The following ATAD5 variants were observed in gnomAD, a reference collection of about 807,000 sequenced individuals.
The protein encoded by ATAD5 is ATPase family AAA domain-containing protein 5.
ATAD5 carries 58 observed loss-of-function variants against 176.9 expected under a neutral mutation model. The observed-to-expected ratio is 0.33, with a 90% CI of 0.27 to 0.41. The LOEUF is 0.41. Ranked by LOEUF, ATAD5 falls within the 10% of genes least tolerant of loss-of-function variation. The probability of loss-of-function intolerance (pLI) is 1.00; values close to 1 mark genes in which losing one functional copy is unlikely to be tolerated. For synonymous variants in ATAD5, 640 were observed against 712.6 expected, an observed-to-expected ratio of 0.90 and a Z score of 1.62; for missense variants, 1,789 against 2,094.1, an observed-to-expected ratio of 0.85 and a Z score of 2.84.
intron 1 of ATAD5, among the ~76,000 whole-genome samples, chr17:30,833,709 C>G (rs973409352): frequency 3.3e-5 from 5 of 152,290 alleles, no homozygotes; most frequent in South Asian, 2.1e-4. Flanking sequence ...GAGACAAGGT[C>G]TTGCTCTGTC....
chr17:30,865,810 ATG>A lies in ATAD5; in HGVS notation c.3233+14_3233+15del, dbSNP rs751264775. The A allele has an allele frequency of 6.8e-6, 10 of 1,476,822 alleles. 1 individual carries two copies. The South Asian group carries it at 1.3e-4, about 19-fold the overall frequency. The allele number at this position is 1,476,822 out of a possible 1,614,324, so 91.5% of individuals were successfully genotyped here. ...TAAAAAAGTTACATAGGTTGGTAAA[ATG>A]TGTAAGGAATTGAGAAATAGTTTAC... On this transcript the variant is annotated intron_variant, in intron 11 of 22. Coordinates refer to ENST00000321990, the MANE Select transcript of ATAD5 (RefSeq NM_024857.5).
chr17:30,877,279 G>A (rs1004041012), intron 15 of ATAD5, 137 bp from the exon 16 acceptor site: 2 of 618,994 alleles, frequency 3.2e-6, no homozygotes, highest in Admixed American at 6.8e-5. Context: ...AAAGTGCTGG[G>A]ATTACAGGCA....
chr17:30,850,869 ATTTTTTTTTTTTTT>A (rs58433358), intron 6 of ATAD5, among the ~76,000 whole-genome samples: 3 of 14,768 alleles, frequency 2.0e-4, no homozygotes, highest in South Asian at 4.5e-3. Flanking sequence ...ATATATATAT[ATTTTTTTTTTTTTT>A]TTTTTTTTTT....
chr17:30,857,085 G>A lies in ATAD5; in HGVS notation c.2766G>A (p.Lys922=). ...ALGEFSTLNS[K]LKSGNSAAVF... is the part of the protein sequence containing the mutation. ...GTGAATTTTCAACATTGAATTCAAA[G>A]TTGAAAAGCGGTAACTCTGCTGCTG... Residue 922 remains lysine, a synonymous_variant, in exon 8 of 23, where the codon AAG becomes AAA. Coordinates refer to ENST00000321990, the MANE Select transcript of ATAD5 (RefSeq NM_024857.5). The A allele has an allele frequency of 6.2e-7, 1 of 1,611,554 alleles. No homozygotes were observed. The highest frequency in any genetic ancestry group is 1.3e-5 in the African/African-American group (1 of 74,882).
At position 30,892,671 on chromosome 17, in the gene ATAD5, T is replaced by C. The variant is rs1269687536; in HGVS notation, c.4323T>C (p.Pro1441=). ...ATGGCCTTGATAACAAAATTTACCC[T>C]AAAAATACTAAAAAGAAACGTGTAG... The part of the protein sequence containing the change: ...SEHGLDNKIY[P]KNTKKKRVDL... The change falls in exon 20 of 23, where the codon CCT becomes CCC. Residue 1441 remains proline, a synonymous_variant. Transcript: ENST00000321990. The C allele has an allele frequency of 6.2e-7, 1 of 1,600,880 alleles. No homozygotes were observed. Among genetic ancestry groups the C allele is most frequent in the Admixed American group, 1.7e-5 (1 of 57,876 alleles).
chr17:30,852,891 C>CA (rs1555555008), intron 6 of ATAD5, among the ~76,000 whole-genome samples: 1 of 141,636 alleles, frequency 7.1e-6, no homozygotes, highest in Non-Finnish European at 1.6e-5. Context: ...ATATTTCTTT[C>CA]TTTTTTTTTT....
rs1403262429 is a variant in ATAD5, at chr17:30,893,704, A to G, written c.4851A>G (p.Gly1617=). ...GDEESKARDK[G]NNPETKKSIP... is the part of the protein sequence containing the mutation. ...AAGAAAGCAAAGCCAGAGACAAAGG[A>G]AACAATCCAGAGACAAAGAAATCTA... Residue 1617 remains glycine (G), a synonymous_variant, in exon 21 of 23, where the codon GGA becomes GGG. Coordinates refer to ENST00000321990, the MANE Select transcript of ATAD5 (RefSeq NM_024857.5). 3.7e-6 allele frequency: 6 copies of G among 1,613,552 alleles called. No homozygotes were observed. The highest frequency in any genetic ancestry group is 5.1e-6 in the Non-Finnish European group (6 of 1,179,830).
In ATAD5 at chr17:30,878,728, T is replaced by TTTG. The variant is rs1555559808; in HGVS notation, c.4012+634_4012+635insGTT. ...CAGAAGTTAGGTGGTGTTTTTTTTT[T>TTTG]TTTTTTTTTTTTTTTTTTTTGGAGA... On this transcript the variant is annotated intron_variant, in intron 17 of 22. Transcript: ENST00000321990. Among the ~76,000 whole-genome samples, 431 of 95,866 alleles carry TTTG rather than the reference T, an allele frequency of 4.5e-3. 7 individuals carry two copies. Among genetic ancestry groups the TTTG allele is most frequent in the African/African-American group, 0.015 (398 of 26,180 alleles). 62.9% of individuals were successfully genotyped at this position (95,866 alleles called of 152,430 possible). A position where few individuals can be genotyped will look rare whatever the true frequency, so the allele number is the denominator to read the frequency against.
At chr17:30,864,762 A>G (rs1907870479) in intron 10 of ATAD5, 1 of 152,160 alleles carries the variant, frequency 6.6e-6, no homozygotes, top group Non-Finnish European at 1.5e-5. Flanking sequence ...CTGTTTCTGC[A>G]TTTATTCACT....
intron 14 of ATAD5, among the ~76,000 whole-genome samples, chr17:30,870,979 T>C (rs942161542): frequency 3.9e-5 from 6 of 151,926 alleles, no homozygotes; most frequent in Non-Finnish European, 7.4e-5. Flanking sequence ...CCAGTATTTC[T>C]TAAAATATTT....
chr17:30,842,643 A>G (rs1480613080), intron 4 of ATAD5, among the ~76,000 whole-genome samples: 1 of 152,232 alleles, frequency 6.6e-6, no homozygotes, highest in Non-Finnish European at 1.5e-5. Context: ...ACAGGGCTAT[A>G]ACCAGACTTT....
chr17:30,840,742 T>G lies in ATAD5; in HGVS notation c.2202T>G (p.His734Gln). Residue 734 changes from histidine (H) to glutamine (Q), a missense_variant, in exon 4 of 23, where the codon CAT becomes CAG. Transcript: ENST00000321990. The part of the protein sequence containing the change: ...IAIPLRRSSR[H>Q]QTLPERKKLS... ...TACCCTTAAGGCGCTCCTCTAGACA[T>G]CAGACACTTCCTGAAAGGAAGAAAT... is the stretch of plus-strand genomic sequence containing the variant. The G allele has an allele frequency of 6.2e-7, 1 of 1,607,420 alleles. No homozygotes were observed. The highest frequency in any genetic ancestry group is 8.5e-7 in the Non-Finnish European group (1 of 1,177,924).
Position 30,837,290 on chromosome 17 carries a change from A to G in ATAD5, c.2052A>G (p.Gly684=). 1 of 1,575,676 alleles carries G rather than the reference A, an allele frequency of 6.3e-7. No individual in the cohort carries two copies. Among genetic ancestry groups the G allele is most frequent in the Non-Finnish European group, 8.6e-7 (1 of 1,164,196 alleles). The part of the protein sequence containing the change: ...KRSEKSEATD[G]GFTSQIRKAS... The stretch of plus-strand genomic sequence containing the variant: ...CTGAGAAATCTGAAGCAACTGATGG[A>G]GGTTTTACTTCTCAGATTAGAAAGG... Residue 684 remains glycine (G), a synonymous_variant, in exon 3 of 23, where the codon GGA becomes GGG. Transcript: ENST00000321990.
chr17:30,850,833 T>C (rs9893712), intron 6 of ATAD5, among the ~76,000 whole-genome samples: 2 of 27,832 alleles, frequency 7.2e-5, no homozygotes, highest in African/African-American at 3.9e-4. Flanking sequence ...TTATATATTT[T>C]TATATATATA....
At chr17:30,845,472 CAG>C (rs1906441991) in intron 6 of ATAD5, among the ~76,000 whole-genome samples, 1 of 152,040 alleles carries the variant, frequency 6.6e-6, no homozygotes, top group South Asian at 2.1e-4. Context: ...GTGTTTCAGC[CAG>C]AGAGAACTGT....
At chr17:30,845,813 A>G (rs1222258626) in intron 6 of ATAD5, among the ~76,000 whole-genome samples, 2 of 152,142 alleles carry the variant, frequency 1.3e-5, no homozygotes, top group Non-Finnish European at 2.9e-5. Flanking sequence ...GTTGTTGGGA[A>G]TGACATATGA....
chr17:30,881,183 G>A (rs1302110135), intron 18 of ATAD5, among the ~76,000 whole-genome samples: 1 of 151,838 alleles, frequency 6.6e-6, no homozygotes, highest in Admixed American at 6.6e-5. Context: ...AGCACTTTGG[G>A]AGGCTGAGGT....
intron 10 of ATAD5, among the ~76,000 whole-genome samples, 153 bp downstream of exon 10, chr17:30,860,765 G>C (rs1459222738): frequency 6.6e-6 from 1 of 152,046 alleles, no homozygotes; most frequent in Non-Finnish European, 1.5e-5. Context: ...TTGAGACACA[G>C]TTTCTCTCTT....
chr17:30,869,802 G>T, intron 14 of ATAD5, 156 bp downstream of exon 14: 1 of 730,544 alleles, frequency 1.4e-6, no homozygotes, highest in Non-Finnish European at 2.1e-6. Flanking sequence ...CAAATCTGAA[G>T]ACCATCATAT....
Sources: gnomAD v4.1 joint callset for allele counts (sites outside exome capture counted in the v4.1 genomes callset) on GRCh38, gnomAD v4.1.1 for gene constraint, MANE v1.5 for transcripts, NCBI Gene and HGNC (gene_info 2026-07-23, HGNC 2026-07-21) for gene names.